CREBBP: variants seen among roughly 807,000 people sequenced by gnomAD.
CREBBP encodes CREB-binding protein.
Under a neutral mutation model 265.0 loss-of-function variants are expected in CREBBP, and 19 were observed. The observed-to-expected ratio is 0.07, with a 90% CI of 0.05 to 0.11. CREBBP has a LOEUF of 0.11. Among genes scored for constraint, CREBBP ranks in the 10% least tolerant of loss-of-function variants. The pLI is 1.00. For synonymous variants in CREBBP, 1,457 were observed against 1,223.7 expected, an observed-to-expected ratio of 1.19 and a Z score of -3.98; for missense variants, 2,525 against 3,219.0, an observed-to-expected ratio of 0.78 and a Z score of 5.22.
At chr16:3,738,717 C>G (rs1399931708) in intron 25 of CREBBP, 45 bp from the exon 26 acceptor site, 1 of 1,270,706 alleles carries the variant, frequency 7.9e-7, no homozygotes. Flanking sequence ...TCCCTCAAAT[C>G]TGAAATCAAA....
chr16:3,870,363 G>A (rs2055268650), intron 1 of CREBBP, among the ~76,000 whole-genome samples: 1 of 152,000 alleles, frequency 6.6e-6, no homozygotes, highest in Non-Finnish European at 1.5e-5. Context: ...TGATCCCAAG[G>A]CCATTTTCTT....
chr16:3,830,819 G>A (rs58864766), intron 2 of CREBBP, among the ~76,000 whole-genome samples: 1,720 of 152,136 alleles, frequency 0.011, 46 homozygotes, highest in African/African-American at 0.039. Flanking sequence ...GTCTTGCTCC[G>A]TACCCAGGCT....
intron 13 of CREBBP, among the ~76,000 whole-genome samples, chr16:3,771,842 G>A (rs1316307320): frequency 7.0e-6 from 1 of 142,868 alleles, no homozygotes; most frequent in East Asian, 2.1e-4. Flanking sequence ...ACAGAGTCTC[G>A]CTCTGTCACC....
chr16:3,791,314 G>T (rs916216604), intron 5 of CREBBP: 3 of 153,120 alleles, frequency 2.0e-5, no homozygotes, highest in African/African-American at 4.8e-5. Context: ...AGCAGGGATC[G>T]CTGCGTAACC....
chr16:3,860,648 TTTTA>T (rs1457464384), intron 1 of CREBBP, among the ~76,000 whole-genome samples: 2 of 152,222 alleles, frequency 1.3e-5, no homozygotes, highest in African/African-American at 4.8e-5. Flanking sequence ...TACATACAAT[TTTTA>T]TTTGTTAATT....
At chr16:3,863,180 A>G (rs892442235) in intron 1 of CREBBP, among the ~76,000 whole-genome samples, 2 of 152,256 alleles carry the variant, frequency 1.3e-5, no homozygotes, top group Non-Finnish European at 2.9e-5. Flanking sequence ...CTACTTTTGC[A>G]TAATTGATTA....
At chr16:3,793,703 A>G (rs966132080) in intron 3 of CREBBP, 77 bp from the exon 4 acceptor site, 2 of 1,518,100 alleles carry the variant, frequency 1.3e-6, no homozygotes, top group East Asian at 4.8e-5. Context: ...TTTCTCAAAC[A>G]AAAGCAAAAG....
chr16:3,805,141 GAAGGCCCTGCAT>G (rs1207153866), intron 3 of CREBBP, among the ~76,000 whole-genome samples: 2 of 152,240 alleles, frequency 1.3e-5, no homozygotes, highest in Non-Finnish European at 2.9e-5. Context: ...AGCGGCATTT[GAAGGCCCTGCAT>G]ACATGTTTTC....
At chr16:3,810,080 G>T (rs2053906707) in intron 3 of CREBBP, among the ~76,000 whole-genome samples, 1 of 152,130 alleles carries the variant, frequency 6.6e-6, no homozygotes, top group Admixed American at 6.5e-5. Context: ...AAGTGATAAG[G>T]ATAATTCCCA....
At chr16:3,826,235 T>C (rs2054234290) in intron 2 of CREBBP, among the ~76,000 whole-genome samples, 1 of 152,096 alleles carries the variant, frequency 6.6e-6, no homozygotes, top group Non-Finnish European at 1.5e-5. Flanking sequence ...GCAAGATGAA[T>C]ACATATCATG....
At position 3,773,863 on chromosome 16, in the gene CREBBP, A is replaced by G; in HGVS notation, c.2351T>C (p.Met784Thr). The G allele has an allele frequency of 1.2e-6, 2 of 1,612,390 alleles. No homozygotes were observed. The highest frequency in any genetic ancestry group is 1.7e-6 in the Non-Finnish European group (2 of 1,180,028). The change falls in exon 13 of 31, where the codon ATG (methionine) becomes ACG (threonine). Residue 784 changes from methionine to threonine, a missense_variant. Met to Thr is a moderately conservative substitution (Grantham distance 81, BLOSUM62 -1). Transcript: ENST00000262367. Reference protein sequence around the residue: ...NMMGAHTNNMMAQAPAQSQFL... With the variant: ...NMMGAHTNNMTAQAPAQSQFL... Reference sequence around the variant, plus strand: ...CTGGCTCTGAGCGGGCGCCTGGGCCATCATGTTGTTGGTGTGTGCACCCAT... The same window carrying G: ...CTGGCTCTGAGCGGGCGCCTGGGCCGTCATGTTGTTGGTGTGTGCACCCAT...
rs1355176917 is a variant in CREBBP at position 3,745,338 on chromosome 16, C to G, written c.3853G>C (p.Glu1285Gln). ...LDPEPFVDCK[E>Q]CGRKMHQICV... Reference sequence around the variant, plus strand: ...ATCTGATGCATCTTCCGGCCACACTCCTTGCAATCAACGAAACTAGGAGGC... The same window carrying G: ...ATCTGATGCATCTTCCGGCCACACTGCTTGCAATCAACGAAACTAGGAGGC... The change falls in exon 22 of 31, where the codon GAG becomes CAG. Residue 1285 changes from glutamate (E) to glutamine (Q), a missense_variant. By Grantham distance (29) the Glu-to-Gln change is conservative (BLOSUM62 2). Coordinates refer to ENST00000262367, the MANE Select transcript of CREBBP (RefSeq NM_004380.3). 1.2e-6 allele frequency: 2 copies of G among 1,614,096 alleles called. No homozygotes were observed. Among genetic ancestry groups the G allele is most frequent in the Non-Finnish European group, 1.7e-6 (2 of 1,179,986 alleles).
chr16:3,834,253 T>C (rs182778906), intron 2 of CREBBP, among the ~76,000 whole-genome samples: 9 of 152,322 alleles, frequency 5.9e-5, no homozygotes, highest in African/African-American at 2.2e-4. Context: ...GATCCAGCAA[T>C]TGTGCTCACT....
chr16:3,820,035 G>T (rs924163386), intron 2 of CREBBP, among the ~76,000 whole-genome samples: 3 of 152,050 alleles, frequency 2.0e-5, no homozygotes, highest in African/African-American at 7.2e-5. Flanking sequence ...CATATAAGGT[G>T]TAAAAAAACA....
intron 21 of CREBBP, among the ~76,000 whole-genome samples, chr16:3,748,148 G>A (rs960993988): frequency 3.3e-5 from 5 of 150,918 alleles, no homozygotes; most frequent in South Asian, 2.1e-4. Context: ...GCGTGGTGGC[G>A]GGCACCTGTA....
intron 3 of CREBBP, among the ~76,000 whole-genome samples, chr16:3,806,082 G>T (rs2141331528): frequency 6.6e-6 from 1 of 152,334 alleles, no homozygotes; most frequent in South Asian, 2.1e-4. Context: ...TGCAGGTGGG[G>T]CCATGGACAG....
rs1488071616 is a variant in CREBBP, at chr16:3,731,413, C to T, written c.4951G>A (p.Asp1651Asn). Residue 1651 changes from aspartate to asparagine, a missense_variant, in exon 30 of 31, where the codon GAC (aspartate) becomes AAC (asparagine). Coordinates refer to ENST00000262367, the MANE Select transcript of CREBBP (RefSeq NM_004380.3). The surrounding 1 kb of genome is among the most constrained non-coding windows in gnomAD (Gnocchi z 7.7). ...TCACAGCTGAGCAGGGGGTCGGGGTCGACGATGGGGGGCAGGGTGTTGATG... is the reference window on the plus strand; with the variant it reads ...TCACAGCTGAGCAGGGGGTCGGGGTTGACGATGGGGGGCAGGGTGTTGATG... ...PVINTLPPIVDPDPLLSCDLM... is the reference protein window; with the variant it reads ...PVINTLPPIVNPDPLLSCDLM... 2 of 1,605,736 alleles carry T rather than the reference C, an allele frequency of 1.2e-6. No individual in the cohort carries two copies. The highest frequency in any genetic ancestry group is 1.3e-5 in the African/African-American group (1 of 74,670).
chr16:3,799,956 GA>G (rs1391079396), intron 3 of CREBBP, among the ~76,000 whole-genome samples: 1 of 152,080 alleles, frequency 6.6e-6, no homozygotes, highest in Admixed American at 6.5e-5. Flanking sequence ...AAATTCCCGA[GA>G]AAACAAAATC....
At chr16:3,821,290 C>T (rs2054137148) in intron 2 of CREBBP, among the ~76,000 whole-genome samples, 1 of 152,210 alleles carries the variant, frequency 6.6e-6, no homozygotes, top group Non-Finnish European at 1.5e-5. Context: ...TGAGTGACAA[C>T]TGAGGGTTCT....
Sources: gnomAD v4.1 joint callset for allele counts (sites outside exome capture counted in the v4.1 genomes callset) on GRCh38, gnomAD v4.1.1 for gene constraint, Gnocchi (gnomAD v3.1) non-coding constraint, MANE v1.5 for transcripts, NCBI Gene and HGNC (gene_info 2026-07-23, HGNC 2026-07-21) for gene names.